The following ZSWIM6 variants were observed in gnomAD, a reference collection of about 807,000 sequenced individuals.
ZSWIM6 encodes the protein zinc finger SWIM domain-containing protein 6.
Under a neutral mutation model 113.2 loss-of-function variants are expected in ZSWIM6, and 9 were observed. The observed-to-expected ratio is 0.08, with a 90% CI of 0.05 to 0.14. ZSWIM6 has a LOEUF of 0.14. Ranked by LOEUF, ZSWIM6 falls within the 10% of genes least tolerant of loss-of-function variation. The probability of loss-of-function intolerance (pLI) is 1.00; values close to 1 mark genes in which losing one functional copy is unlikely to be tolerated. For synonymous variants in ZSWIM6, 611 were observed against 606.5 expected, an observed-to-expected ratio of 1.01 and a Z score of -0.11; for missense variants, 1,162 against 1,552.2, an observed-to-expected ratio of 0.75 and a Z score of 4.22.
chr5:61,384,248 A>C (rs1400914473), intron 1 of ZSWIM6, among the ~76,000 whole-genome samples: 1 of 80,762 alleles, frequency 1.2e-5, no homozygotes, highest in Non-Finnish European at 2.4e-5. Context: ...ACTCCGTCTC[A>C]AAAAAAAAAA....
At chr5:61,378,797 C>G (rs1443702523) in intron 1 of ZSWIM6, among the ~76,000 whole-genome samples, 1 of 152,038 alleles carries the variant, frequency 6.6e-6, no homozygotes, top group Non-Finnish European at 1.5e-5. Flanking sequence ...CTCAGGTGAT[C>G]TGCCCACCTC....
In ZSWIM6 at chr5:61,530,038, C is replaced by G; in HGVS notation, c.1838-14C>G. On this transcript the variant is annotated splice_polypyrimidine_tract_variant and intron_variant, in intron 7 of 13. Coordinates refer to ENST00000252744, the MANE Select transcript of ZSWIM6 (RefSeq NM_020928.2). ...TTCTACTCCCCCATTTCTCAATTCC[C>G]TTTCCTTACACAGAGCTACCCCATA... is the stretch of plus-strand genomic sequence containing the variant. 1 of 1,536,326 alleles carries G rather than the reference C, an allele frequency of 6.5e-7. No homozygotes were observed. The highest frequency in any genetic ancestry group is 1.4e-5 in the African/African-American group (1 of 72,758).
chr5:61,399,326 A>G (rs1745902225), intron 1 of ZSWIM6, among the ~76,000 whole-genome samples: 1 of 151,642 alleles, frequency 6.6e-6, no homozygotes, highest in South Asian at 2.1e-4. Context: ...TATGGATTAA[A>G]TCCTAATATG....
chr5:61,423,633 C>T (rs1746400323), intron 1 of ZSWIM6, among the ~76,000 whole-genome samples: 1 of 152,142 alleles, frequency 6.6e-6, no homozygotes, highest in South Asian at 2.1e-4. Flanking sequence ...TCAGATGGCA[C>T]CACCCAGATG....
chr5:61,403,538 C>A (rs1745981338), intron 1 of ZSWIM6, among the ~76,000 whole-genome samples: 1 of 152,186 alleles, frequency 6.6e-6, no homozygotes, highest in Non-Finnish European at 1.5e-5. Flanking sequence ...CCTATAGCTC[C>A]TTTATTTCTC....
At chr5:61,363,444 G>A (rs943259229) in intron 1 of ZSWIM6, among the ~76,000 whole-genome samples, 15 of 152,168 alleles carry the variant, frequency 9.9e-5, no homozygotes, top group African/African-American at 3.6e-4. Context: ...GCACACTTCT[G>A]CTGAGTTCAC....
intron 4 of ZSWIM6, among the ~76,000 whole-genome samples, chr5:61,505,428 C>T (rs888981053): frequency 6.6e-6 from 1 of 152,126 alleles, no homozygotes; most frequent in African/African-American, 2.4e-5. Context: ...TGACCTCCTA[C>T]AGAACCTGGC....
rs896708412 is a variant in ZSWIM6, at chr5:61,544,301, G to A, written c.3632G>A (p.Arg1211Gln). The A allele has an allele frequency of 1.7e-5, 22 of 1,320,538 alleles. No individual in the cohort carries two copies. Among genetic ancestry groups the A allele is most frequent in the Non-Finnish European group, 2.0e-5 (20 of 1,004,930 alleles). The allele number at this position is 1,320,538 out of a possible 1,614,324, so 81.8% of individuals were successfully genotyped here. A position where few individuals can be genotyped will look rare whatever the true frequency, so the allele number is the denominator to read the frequency against. The change falls in exon 14 of 14, where the codon CGG becomes CAG. Residue 1211 changes from arginine (R) to glutamine (Q), a missense_variant. Arg to Gln is a conservative substitution (Grantham distance 43). Coordinates refer to ENST00000252744, the MANE Select transcript of ZSWIM6 (RefSeq NM_020928.2). ...AAAAAGAAACTGATGATGTTGGTTC[G>A]GGAGAGGTTTGGTTGATAGATCTTG... ...KGKKKLMMLVRERFG is the reference protein window; with the variant it reads ...KGKKKLMMLVQERFG
intron 4 of ZSWIM6, among the ~76,000 whole-genome samples, chr5:61,519,083 G>A (rs560219329): frequency 6.6e-6 from 1 of 152,176 alleles, no homozygotes; most frequent in East Asian, 1.9e-4. Flanking sequence ...TTTCCCCATT[G>A]CTTGTTTTTC....
At chr5:61,374,216 A>T (rs1206457160) in intron 1 of ZSWIM6, among the ~76,000 whole-genome samples, 1 of 152,200 alleles carries the variant, frequency 6.6e-6, no homozygotes, top group African/African-American at 2.4e-5. Flanking sequence ...ATTTTTCCGG[A>T]TCATCTGTAG....
intron 1 of ZSWIM6, among the ~76,000 whole-genome samples, chr5:61,411,843 C>T (rs963301837): frequency 5.9e-5 from 9 of 152,150 alleles, no homozygotes; most frequent in Admixed American, 5.2e-4. Flanking sequence ...CTTGTAAAGG[C>T]GGCACATCAC....
At chr5:61,463,854 G>A (rs776795865) in intron 1 of ZSWIM6, among the ~76,000 whole-genome samples, 1 of 152,110 alleles carries the variant, frequency 6.6e-6, no homozygotes, top group Non-Finnish European at 1.5e-5. Flanking sequence ...ATGTACTTTC[G>A]AGGGCCTGGC....
intron 1 of ZSWIM6, among the ~76,000 whole-genome samples, chr5:61,436,258 G>C (rs1746705124): frequency 6.6e-6 from 1 of 151,940 alleles, no homozygotes; most frequent in Admixed American, 6.6e-5. Context: ...GTTGGTAGCA[G>C]CTTGAACATC....
chr5:61,475,528 C>T (rs1747688701), intron 2 of ZSWIM6, among the ~76,000 whole-genome samples: 1 of 152,116 alleles, frequency 6.6e-6, no homozygotes, highest in Non-Finnish European at 1.5e-5. Flanking sequence ...TTCCTAATAA[C>T]TTGTGTATAG....
intron 7 of ZSWIM6, among the ~76,000 whole-genome samples, chr5:61,528,895 A>AT: frequency 6.6e-6 from 1 of 152,234 alleles, no homozygotes; most frequent in South Asian, 2.1e-4. Flanking sequence ...CCTGTCTTTC[A>AT]TTTTTATGTA....
chr5:61,426,326 AG>A (rs1164621079), intron 1 of ZSWIM6, among the ~76,000 whole-genome samples: 1 of 152,270 alleles, frequency 6.6e-6, no homozygotes, highest in African/African-American at 2.4e-5. Flanking sequence ...AGAATAATTC[AG>A]AGAATAACTG....
intron 1 of ZSWIM6, among the ~76,000 whole-genome samples, chr5:61,421,930 T>G (rs965183518): frequency 6.6e-6 from 1 of 152,224 alleles, no homozygotes; most frequent in Non-Finnish European, 1.5e-5. Flanking sequence ...TAGGGTTGTT[T>G]GAGCACAGCC....
intron 1 of ZSWIM6, among the ~76,000 whole-genome samples, chr5:61,336,749 T>C (rs1437802295): frequency 6.6e-6 from 1 of 151,916 alleles, no homozygotes; most frequent in Non-Finnish European, 1.5e-5. Context: ...AGACTGAGAC[T>C]CTGTCTCAAG....
intron 1 of ZSWIM6, among the ~76,000 whole-genome samples, chr5:61,441,822 A>C (rs1006092017): frequency 1.8e-4 from 28 of 152,212 alleles, no homozygotes; most frequent in Admixed American, 5.2e-4. Flanking sequence ...ATGGTATAGC[A>C]GAGTCCGATG....
Sources: gnomAD v4.1 joint callset for allele counts (sites outside exome capture counted in the v4.1 genomes callset) on GRCh38, gnomAD v4.1.1 for gene constraint, MANE v1.5 for transcripts, NCBI Gene and HGNC (gene_info 2026-07-23, HGNC 2026-07-21) for gene names.